Variants in PNPT1 observed in about 807,000 individuals in gnomAD.
The protein encoded by PNPT1 is polyribonucleotide nucleotidyltransferase 1, also known as polyribonucleotide nucleotidyltransferase 1, mitochondrial.
Under a neutral mutation model 119.5 loss-of-function variants are expected in PNPT1, and 53 were observed. The observed-to-expected ratio is 0.44, with a 90% confidence interval of 0.36 to 0.56. The LOEUF (loss-of-function observed/expected upper bound fraction) is 0.56, where lower values mean the gene tolerates loss of function less well. PNPT1 is among the 20% of genes least tolerant of loss of function. PNPT1 has a pLI of 0.00. For missense variants in PNPT1, 948 were observed against 938.5 expected (o/e 1.01, Z -0.13); for synonymous variants, 357 against 322.1 (o/e 1.11, Z -1.16).
chr2:55,645,481 C>G (rs1408490332), intron 21 of PNPT1, 49 bp from the exon 22 acceptor site: 2 of 1,207,068 alleles, frequency 1.7e-6, no homozygotes, highest in African/African-American at 1.5e-5. Context: ...CAAATATGAT[C>G]TGAAATACTG....
chr2:55,661,400 T>C (rs545452908), intron 14 of PNPT1, among the ~76,000 whole-genome samples: 47 of 152,154 alleles, frequency 3.1e-4, no homozygotes, highest in African/African-American at 1.1e-3. Flanking sequence ...CGGCCTGCAA[T>C]AAAGATTCTT....
At chr2:55,647,488 T>C in intron 18 of PNPT1, 35 bp from the exon 19 acceptor site, 1 of 1,491,370 alleles carries the variant, frequency 6.7e-7, no homozygotes. Flanking sequence ...GTGGGTAATG[T>C]GTACATGAGC....
At chr2:55,681,633 T>G (rs1477367995) in intron 5 of PNPT1, among the ~76,000 whole-genome samples, 1 of 149,462 alleles carries the variant, frequency 6.7e-6, no homozygotes, top group Non-Finnish European at 1.5e-5. Flanking sequence ...TCACTTGAGG[T>G]CGGGAGTTCA....
chr2:55,658,565 T>C (rs566838517), intron 15 of PNPT1, among the ~76,000 whole-genome samples: 24 of 152,270 alleles, frequency 1.6e-4, no homozygotes, highest in African/African-American at 5.3e-4. Context: ...AAATAAAATA[T>C]GGCAATAATG....
At chr2:55,663,609 CCCACATGAAAAAAATAATAGATAA>C (rs1191424468) in intron 13 of PNPT1, among the ~76,000 whole-genome samples, 1 of 151,982 alleles carries the variant, frequency 6.6e-6, no homozygotes, top group Non-Finnish European at 1.5e-5. Flanking sequence ...CTTGAAAGCA[CCCACATGAAAAAAATAATAGATAA>C]GGAACAATGA....
At chr2:55,670,512 C>G (rs1014271410) in intron 11 of PNPT1, among the ~76,000 whole-genome samples, 2 of 152,100 alleles carry the variant, frequency 1.3e-5, no homozygotes, top group Non-Finnish European at 2.9e-5. Flanking sequence ...CAGTAAGATC[C>G]TTTGCTTAAT....
Position 55,681,145 on chromosome 2 carries a change from G to A in PNPT1, c.454-227C>T, listed in dbSNP as rs544640236. On this transcript the variant is annotated intron_variant, in intron 5 of 27. Coordinates refer to ENST00000447944, the MANE Select transcript of PNPT1 (RefSeq NM_033109.5). Reference sequence around the variant, plus strand: ...AAACAGGCCAGGCGTGGTGGCTCACGCCTGTAATCTCAGCACTTTGGGAGG... The same window carrying A: ...AAACAGGCCAGGCGTGGTGGCTCACACCTGTAATCTCAGCACTTTGGGAGG... 7.9e-5 allele frequency among the ~76,000 whole-genome samples: 12 copies of A among 152,264 alleles called. No homozygotes were observed. In the East Asian group the frequency reaches 1.5e-3, roughly 20 times the overall value.
At chr2:55,638,314 A>C (rs1324282254) in intron 26 of PNPT1, among the ~76,000 whole-genome samples, 1 of 151,914 alleles carries the variant, frequency 6.6e-6, no homozygotes. Context: ...AAAAAAAAAA[A>C]AAAATCAGTT....
chr2:55,683,831 C>G lies in PNPT1; in HGVS notation c.407G>C (p.Arg136Pro), dbSNP rs746356243. Residue 136 changes from arginine to proline, a missense_variant, in exon 5 of 28, where the codon CGT becomes CCT. By Grantham distance (103) the Arg-to-Pro change is moderately radical. Coordinates refer to ENST00000447944, the MANE Select transcript of PNPT1 (RefSeq NM_033109.5). The stretch of plus-strand genomic sequence containing the variant: ...AGCTGGAAAGAGCGGTCTAATTGAA[C>G]GATCTGCCAAAAGAAAAAAAAACAC... ...KEILTSRIID[R>P]SIRPLFPAGY... 3 of 1,613,130 alleles carry G rather than the reference C, an allele frequency of 1.9e-6. No homozygotes were observed. The highest frequency in any genetic ancestry group is 2.7e-5 in the African/African-American group (2 of 74,790).
At position 55,651,396 on chromosome 2, in the gene PNPT1, A is replaced by C. The variant is rs1696195345; in HGVS notation, c.1495+3504T>G. On this transcript the variant is annotated intron_variant, in intron 18 of 27. Transcript: ENST00000447944. ...TTGCCGTGTCTGTGTAGAAAGAGGTAGACGTGGGAGACTTTTCATTTTGTT... is the reference window on the plus strand; with the variant it reads ...TTGCCGTGTCTGTGTAGAAAGAGGTCGACGTGGGAGACTTTTCATTTTGTT... Among the ~76,000 whole-genome samples the C allele has an allele frequency of 2.6e-5, 4 of 151,920 alleles. No homozygotes were observed. The South Asian group carries it at 8.3e-4, about 32-fold the overall frequency.
In PNPT1 at chr2:55,685,010, A is replaced by G; in HGVS notation, c.336T>C (p.Ile112=). The G allele has an allele frequency of 6.3e-7, 1 of 1,597,644 alleles. No individual in the cohort carries two copies. Among genetic ancestry groups the G allele is most frequent in the Non-Finnish European group, 8.6e-7 (1 of 1,168,772 alleles). The part of the protein sequence containing the change: ...YRQKAAAAGR[I]PTNYLRREIG... ...TCTCTCTTCTCAGATAGTTTGTGGG[A>G]ATTCTACCTGCTGCAGCAGCTTTTT... The change falls in exon 4 of 28, where the codon ATT becomes ATC. Residue 112 remains isoleucine (I), a synonymous_variant. Transcript: ENST00000447944.
chr2:55,693,741 C>T lies in PNPT1; in HGVS notation c.83G>A (p.Arg28Gln). 1.9e-6 allele frequency: 3 copies of T among 1,614,186 alleles called. No homozygotes were observed. In the South Asian group the frequency reaches 3.3e-5, roughly 18 times the overall value. ...DGPFLLPRRD[R>Q]ALTQLQVRAL... The stretch of plus-strand genomic sequence containing the variant: ...TCGCACTTGCAACTGGGTGAGTGCC[C>T]GATCCCGCCGTGGCAGAAGGAAAGG... Residue 28 changes from arginine (R) to glutamine (Q), a missense_variant, in exon 1 of 28, where the codon CGG (arginine) becomes CAG (glutamine). Transcript: ENST00000447944.
At chr2:55,655,020 G>T in intron 17 of PNPT1, 67 bp from the exon 18 acceptor site, 1 of 1,356,834 alleles carries the variant, frequency 7.4e-7, no homozygotes. Flanking sequence ...TGTTACTATT[G>T]GTTATTTCCT....
At chr2:55,645,856 T>A (rs891183092) in intron 21 of PNPT1, among the ~76,000 whole-genome samples, 1 of 151,758 alleles carries the variant, frequency 6.6e-6, no homozygotes, top group Non-Finnish European at 1.5e-5. Flanking sequence ...TTGAGACATT[T>A]TCCCTCTGTC....
Position 55,643,368 on chromosome 2 carries a change from C to G in PNPT1, c.1964G>C (p.Ser655Thr). 6.2e-7 allele frequency: 1 copy of G among 1,614,206 alleles called. No homozygotes were observed. Among genetic ancestry groups the G allele is most frequent in the Non-Finnish European group, 8.5e-7 (1 of 1,180,042 alleles). Reference protein sequence around the residue: ...ETFSVFAPTPSAMHEARDFIT... With the variant: ...ETFSVFAPTPTAMHEARDFIT... ...GAAGTCTCTTGCCTCATGCATAGCA[C>G]TGGGTGTTGGTGCAAATACAGAAAA... Residue 655 changes from serine to threonine, a missense_variant, in exon 24 of 28, where the codon AGT becomes ACT. Ser to Thr is a moderately conservative substitution (Grantham distance 58). Coordinates refer to ENST00000447944, the MANE Select transcript of PNPT1 (RefSeq NM_033109.5).
intron 11 of PNPT1, among the ~76,000 whole-genome samples, chr2:55,669,646 G>A (rs1228479054): frequency 2.0e-5 from 3 of 151,892 alleles, no homozygotes; most frequent in Non-Finnish European, 2.9e-5. Context: ...TTTAAAATAA[G>A]ACAATATTCG....
At chr2:55,639,691 T>C (rs1200710269) in intron 26 of PNPT1, among the ~76,000 whole-genome samples, 2 of 152,220 alleles carry the variant, frequency 1.3e-5, no homozygotes, top group Non-Finnish European at 2.9e-5. Flanking sequence ...TTTAGGTTGC[T>C]GATTATCTCT....
chr2:55,644,821 A>C (rs1005208389), intron 22 of PNPT1, 101 bp from the exon 23 acceptor site: 39 of 619,300 alleles, frequency 6.3e-5, no homozygotes, highest in Non-Finnish European at 2.1e-5. Context: ...TGACCTAGAC[A>C]CATGTAAAAA....
intron 8 of PNPT1, 30 bp from the exon 9 acceptor site, chr2:55,673,109 AC>A: frequency 6.8e-7 from 1 of 1,463,410 alleles, no homozygotes; most frequent in Non-Finnish European, 9.2e-7. Context: ...AAAAAAAATG[AC>A]TGCCATCGAA....
Sources: gnomAD v4.1 joint callset for allele counts (sites outside exome capture counted in the v4.1 genomes callset) on GRCh38, gnomAD v4.1.1 for gene constraint, MANE v1.5 for transcripts, NCBI Gene and HGNC (gene_info 2026-07-23, HGNC 2026-07-21) for gene names.